The following KCNJ10 variants were observed in gnomAD, a reference collection of about 807,000 sequenced individuals.
The protein encoded by KCNJ10 is ATP-sensitive inward rectifier potassium channel 10.
KCNJ10 carries 9 observed loss-of-function variants against 22.2 expected under a neutral mutation model. The observed-to-expected ratio is 0.40, with a 90% confidence interval of 0.24 to 0.71. The LOEUF is 0.71. KCNJ10 is among the 30% of genes least tolerant of loss of function. The pLI, the probability that KCNJ10 is intolerant of heterozygous loss-of-function variation, is 0.35. For missense variants in KCNJ10, 337 were observed against 482.7 expected (o/e 0.70, Z 2.83); for synonymous variants, 184 against 187.3 (o/e 0.98, Z 0.15).
chr1:160,068,608 C>T (rs1014339479), intron 1 of KCNJ10, among the ~76,000 whole-genome samples: 10 of 152,200 alleles, frequency 6.6e-5, no homozygotes, highest in Non-Finnish European at 1.5e-4. Flanking sequence ...TCCCCCTCCT[C>T]CCTCGTTTCT....
At chr1:160,044,989 G>C (rs1296036815) in intron 1 of KCNJ10, among the ~76,000 whole-genome samples, 1 of 152,074 alleles carries the variant, frequency 6.6e-6, no homozygotes, top group Non-Finnish European at 1.5e-5. Context: ...CTGCAGCCTG[G>C]GCAACAGAAT....
chr1:160,055,663 G>A (rs1649012591), intron 1 of KCNJ10, among the ~76,000 whole-genome samples: 1 of 152,126 alleles, frequency 6.6e-6, no homozygotes, highest in South Asian at 2.1e-4. Context: ...CACTGCATGG[G>A]TTGTGAACAC....
In KCNJ10 at chr1:160,041,471, C is replaced by T. The variant is rs1648601361; in HGVS notation, c.1062G>A (p.Lys354=). 1 of 1,614,018 alleles carries T rather than the reference C, an allele frequency of 6.2e-7. No homozygotes were observed. ...CCCTTAATGACTCCTCCAACTTGAG[C>T]TTTTCAGGGTCTCCGTAGCGTACAG... ...DSTVRYGDPE[K]LKLEESLREQ... The change falls in exon 2 of 2, where the codon AAG becomes AAA. Residue 354 remains lysine (K), a synonymous_variant. Coordinates refer to ENST00000644903, the MANE Select transcript of KCNJ10 (RefSeq NM_002241.5). This position sits in a 1 kb window ranked among gnomAD's most constrained non-coding sequence, Gnocchi z 4.4.
chr1:160,069,627 C>A (rs946420), intron 1 of KCNJ10, among the ~76,000 whole-genome samples: 33,119 of 150,102 alleles, frequency 0.22, 4,502 homozygotes, highest in Non-Finnish European at 0.3. Context: ...GGGGGAGGGG[C>A]TGGGGATGGG....
chr1:160,068,280 A>G (rs1649370738), intron 1 of KCNJ10, among the ~76,000 whole-genome samples: 1 of 107,270 alleles, frequency 9.3e-6, no homozygotes, highest in African/African-American at 3.2e-5. Context: ...TGCCACTCCC[A>G]CTCCCCACCC....
In KCNJ10 at chr1:160,042,449, C is replaced by T; in HGVS notation, c.84G>A (p.Arg28=). Residue 28 remains arginine (R), a synonymous_variant, in exon 2 of 2, where the codon CGG becomes CGA. Coordinates refer to ENST00000644903, the MANE Select transcript of KCNJ10 (RefSeq NM_002241.5). ...TGCGACCATCTTTTGTCAGGACTCT[C>T]CGCCGTCGTATCCCTGGGCCCATTA... The part of the protein sequence containing the change: ...RPLMGPGIRR[R]RVLTKDGRSN... 1 of 1,614,200 alleles carries T rather than the reference C, an allele frequency of 6.2e-7. No homozygotes were observed. Among genetic ancestry groups the T allele is most frequent in the South Asian group, 1.1e-5 (1 of 91,076 alleles).
chr1:160,042,921 A>G (rs1648646518), intron 1 of KCNJ10, among the ~76,000 whole-genome samples: 1 of 145,068 alleles, frequency 6.9e-6, no homozygotes, highest in African/African-American at 2.6e-5. Context: ...TGGGTGACAC[A>G]GCGAGACTCC....
chr1:160,064,566 C>T (rs1402198415), intron 1 of KCNJ10, among the ~76,000 whole-genome samples: 1 of 152,164 alleles, frequency 6.6e-6, no homozygotes, highest in Admixed American at 6.5e-5. Context: ...ATTTCTAACA[C>T]AGTAAATGTT....
At chr1:160,055,928 C>T (rs1417053817) in intron 1 of KCNJ10, among the ~76,000 whole-genome samples, 1 of 152,178 alleles carries the variant, frequency 6.6e-6, no homozygotes, top group African/African-American at 2.4e-5. Flanking sequence ...TACAGGCTCC[C>T]GCTACCTGGA....
At chr1:160,049,678 TATATATATATATATATATATATA>T (rs1648839314) in intron 1 of KCNJ10, among the ~76,000 whole-genome samples, 2 of 51,990 alleles carry the variant, frequency 3.8e-5, no homozygotes, top group African/African-American at 7.1e-5. Flanking sequence ...TATTTATTTA[TATATATATATATATATATATATA>T]TATATATATA....
intron 1 of KCNJ10, among the ~76,000 whole-genome samples, chr1:160,050,049 G>T (rs1648864662): frequency 6.6e-6 from 1 of 151,930 alleles, no homozygotes; most frequent in Non-Finnish European, 1.5e-5. Flanking sequence ...TAATAGGTAT[G>T]CAAACAAACC....
At chr1:160,049,229 C>G (rs998812010) in intron 1 of KCNJ10, among the ~76,000 whole-genome samples, 1 of 152,126 alleles carries the variant, frequency 6.6e-6, no homozygotes, top group African/African-American at 2.4e-5. Flanking sequence ...TCCCCATTAT[C>G]TATCAAAGAC....
intron 1 of KCNJ10, among the ~76,000 whole-genome samples, chr1:160,047,087 C>T (rs533091562): frequency 3.9e-5 from 6 of 152,224 alleles, no homozygotes; most frequent in Non-Finnish European, 5.9e-5. Flanking sequence ...CTGCTACCCC[C>T]GGAAGTTCTT....
chr1:160,043,315 A>ACACACACACACC (rs75470525), intron 1 of KCNJ10, among the ~76,000 whole-genome samples: 1 of 131,098 alleles, frequency 7.6e-6, no homozygotes, highest in Non-Finnish European at 1.7e-5. Context: ...ACACACACAC[A>ACACACACACACC]ACCTTAATTT....
intron 1 of KCNJ10, among the ~76,000 whole-genome samples, chr1:160,060,790 C>G (rs1260311068): frequency 6.6e-6 from 1 of 152,150 alleles, no homozygotes; most frequent in Non-Finnish European, 1.5e-5. Flanking sequence ...GCCGTAGATA[C>G]AGCCTACAGA....
chr1:160,042,601 T>C, intron 1 of KCNJ10, 69 bp from the exon 2 acceptor site: 1 of 1,307,406 alleles, frequency 7.6e-7, no homozygotes, highest in South Asian at 1.2e-5. Flanking sequence ...CCTCACCCCA[T>C]GGGAGGGAGG....
intron 1 of KCNJ10, 54 bp from the exon 2 acceptor site, chr1:160,042,586 C>T: frequency 6.8e-7 from 1 of 1,473,700 alleles, no homozygotes. Context: ...CAGCTGACTC[C>T]TAACCCTCAC....
intron 1 of KCNJ10, chr1:160,067,782 G>C (rs1295318135): frequency 6.6e-6 from 1 of 152,178 alleles, no homozygotes; most frequent in African/African-American, 2.4e-5. Flanking sequence ...CAGAAACCAA[G>C]AGTTTTACCA....
intron 1 of KCNJ10, among the ~76,000 whole-genome samples, chr1:160,065,669 C>T (rs1649307964): frequency 6.6e-6 from 1 of 152,068 alleles, no homozygotes; most frequent in South Asian, 2.1e-4. Flanking sequence ...TCCCCAGGAT[C>T]AGGGTCTGAA....
Sources: allele counts gnomAD v4.1 joint callset (sites outside exome capture counted in the v4.1 genomes callset), GRCh38; gene constraint gnomAD v4.1.1; non-coding constraint Gnocchi (gnomAD v3.1); transcripts MANE v1.5; gene names NCBI Gene and HGNC (gene_info 2026-07-23, HGNC 2026-07-21).